The following TMEM108 variants were observed in gnomAD, a reference collection of about 807,000 sequenced individuals.
The protein encoded by TMEM108 is cancer/testis antigen 124.
A neutral mutation model predicts 35.1 loss-of-function variants in TMEM108; 12 were observed. The ratio of observed to expected loss-of-function variants is 0.34; its 90% CI spans 0.22 to 0.55. The LOEUF (loss-of-function observed/expected upper bound fraction) is 0.55. Among genes scored for constraint, TMEM108 ranks in the 20% least tolerant of loss-of-function variants. The probability of loss-of-function intolerance (pLI) is 0.89; values close to 1 mark genes in which losing one functional copy is unlikely to be tolerated. For synonymous variants in TMEM108, 287 were observed against 308.6 expected (o/e 0.93, Z 0.73); for missense variants, 680 against 753.3 (o/e 0.90, Z 1.14).
At chr3:133,072,815 C>G (rs568283803) in intron 2 of TMEM108, among the ~76,000 whole-genome samples, 6 of 152,080 alleles carry the variant, frequency 3.9e-5, no homozygotes, top group Non-Finnish European at 7.4e-5. Flanking sequence ...CATGCCCTAC[C>G]CCGTTTCCCC....
chr3:133,100,058 T>A (rs1447735063), intron 2 of TMEM108, among the ~76,000 whole-genome samples: 1 of 152,164 alleles, frequency 6.6e-6, no homozygotes. Context: ...GACGTTTAAT[T>A]GGATTTACAG....
At chr3:133,203,144 T>C (rs1945696753) in intron 2 of TMEM108, among the ~76,000 whole-genome samples, 1 of 152,244 alleles carries the variant, frequency 6.6e-6, no homozygotes, top group South Asian at 2.1e-4. Context: ...GTTGATTTTG[T>C]ATCCTGAGAC....
intron 3 of TMEM108, among the ~76,000 whole-genome samples, chr3:133,267,277 G>T (rs1009923553): frequency 1.4e-4 from 21 of 152,272 alleles, no homozygotes; most frequent in Non-Finnish European, 2.8e-4. Flanking sequence ...TAGTAGGACT[G>T]TCAGACATAT....
chr3:133,236,086 CTATT>C (rs1946232447), intron 3 of TMEM108, among the ~76,000 whole-genome samples: 2 of 152,218 alleles, frequency 1.3e-5, no homozygotes, highest in South Asian at 4.2e-4. Flanking sequence ...ATATCAATAT[CTATT>C]CAAATCAGAA....
chr3:133,154,422 G>A (rs1386482676), intron 2 of TMEM108, among the ~76,000 whole-genome samples: 2 of 151,918 alleles, frequency 1.3e-5, no homozygotes, highest in African/African-American at 2.4e-5. Context: ...TATGGTTTTA[G>A]GTCTAACATG....
At chr3:133,121,599 TG>T (rs936443156) in intron 2 of TMEM108, among the ~76,000 whole-genome samples, 2 of 152,210 alleles carry the variant, frequency 1.3e-5, no homozygotes, top group African/African-American at 4.8e-5. Flanking sequence ...GGAAGCATCT[TG>T]TTTTACATAT....
At chr3:133,090,524 T>C (rs1327338041) in intron 2 of TMEM108, among the ~76,000 whole-genome samples, 1 of 152,224 alleles carries the variant, frequency 6.6e-6, no homozygotes, top group African/African-American at 2.4e-5. Flanking sequence ...TAAGCATCAG[T>C]AAGTCATTTC....
chr3:133,116,819 A>G (rs570772716), intron 2 of TMEM108, among the ~76,000 whole-genome samples: 58 of 152,334 alleles, frequency 3.8e-4, no homozygotes, highest in African/African-American at 1.3e-3. Context: ...CTTGTCACCC[A>G]GGCTGGAGCG....
intron 3 of TMEM108, among the ~76,000 whole-genome samples, chr3:133,230,772 T>A (rs1307171453): frequency 6.6e-6 from 1 of 152,102 alleles, no homozygotes; most frequent in Non-Finnish European, 1.5e-5. Context: ...TATTTTAGGG[T>A]CGTATGTTAT....
intron 3 of TMEM108, among the ~76,000 whole-genome samples, chr3:133,362,199 C>T (rs1443959668): frequency 6.6e-6 from 1 of 152,168 alleles, no homozygotes; most frequent in African/African-American, 2.4e-5. Context: ...AGTTCCGCAA[C>T]ATAATTCGCT....
intron 2 of TMEM108, among the ~76,000 whole-genome samples, chr3:133,188,068 A>G (rs1450112093): frequency 6.6e-6 from 1 of 152,120 alleles, no homozygotes; most frequent in Non-Finnish European, 1.5e-5. Flanking sequence ...CTCACACACC[A>G]TTAAGATTGA....
intron 3 of TMEM108, among the ~76,000 whole-genome samples, chr3:133,245,613 A>G (rs1276236536): frequency 6.6e-6 from 1 of 152,214 alleles, no homozygotes. Flanking sequence ...CACATGGTGT[A>G]TTCTTAGCCT....
In TMEM108 at chr3:133,352,492, C is replaced by T. The variant is rs929337068; in HGVS notation, c.41-27260C>T. ...AAGAGCTCAGCCCCACAAGACTGCTCCCACTTTAGATGCCAGTCACAAGTC... is the reference window on the plus strand; with the variant it reads ...AAGAGCTCAGCCCCACAAGACTGCTTCCACTTTAGATGCCAGTCACAAGTC... On this transcript the variant is annotated intron_variant, in intron 3 of 5. Transcript: ENST00000321871. Among the ~76,000 whole-genome samples the T allele has an allele frequency of 2.6e-5, 4 of 152,164 alleles. No homozygotes were observed. In the East Asian group the frequency reaches 7.7e-4, roughly 29 times the overall value.
At chr3:133,186,555 G>A (rs1945424210) in intron 2 of TMEM108, among the ~76,000 whole-genome samples, 1 of 152,150 alleles carries the variant, frequency 6.6e-6, no homozygotes, top group Non-Finnish European at 1.5e-5. Flanking sequence ...ACTTAGCCCA[G>A]TCTATTTGTA....
chr3:133,073,506 CTCTCTA>C (rs1316056571), intron 2 of TMEM108, among the ~76,000 whole-genome samples: 8 of 78,986 alleles, frequency 1.0e-4, no homozygotes, highest in South Asian at 4.0e-4. Flanking sequence ...CTCTCTCTCT[CTCTCTA>C]TATATATATA....
intron 2 of TMEM108, among the ~76,000 whole-genome samples, chr3:133,223,699 T>G (rs1432231718): frequency 6.6e-6 from 1 of 152,202 alleles, no homozygotes; most frequent in Non-Finnish European, 1.5e-5. Context: ...ATTAGAATAG[T>G]AAGTTAGTTC....
intron 4 of TMEM108, 73 bp downstream of exon 4, chr3:133,381,234 C>A: frequency 2.0e-6 from 3 of 1,469,144 alleles, no homozygotes; most frequent in African/African-American, 1.4e-5. Context: ...TTCCTTTGTC[C>A]CTGATTTGGC....
intron 3 of TMEM108, among the ~76,000 whole-genome samples, chr3:133,232,934 C>A (rs945728684): frequency 1.3e-5 from 2 of 151,982 alleles, no homozygotes; most frequent in African/African-American, 4.8e-5. Context: ...CTTTCTGAGA[C>A]CTAAATAATC....
At chr3:133,080,955 C>T (rs537829002) in intron 2 of TMEM108, among the ~76,000 whole-genome samples, 148 of 152,248 alleles carry the variant, frequency 9.7e-4, no homozygotes, top group Non-Finnish European at 1.4e-3. Context: ...GTGGCAGAGT[C>T]GTTTGATGAA....
Sources: gnomAD v4.1 joint callset for allele counts (sites outside exome capture counted in the v4.1 genomes callset) on GRCh38, gnomAD v4.1.1 for gene constraint, MANE v1.5 for transcripts, NCBI Gene and HGNC (gene_info 2026-07-23, HGNC 2026-07-21) for gene names.